Variants in PFKL observed in about 807,000 individuals in gnomAD.
The protein encoded by PFKL is phosphofructokinase, liver type.
PFKL carries 74 observed loss-of-function variants against 92.1 expected under a neutral mutation model. That is an observed-to-expected ratio of 0.80 (90% CI 0.67 to 0.97). The LOEUF (loss-of-function observed/expected upper bound fraction) is 0.97. PFKL is among the 50% of genes least tolerant of loss of function. The pLI, the probability that PFKL is intolerant of heterozygous loss-of-function variation, is 0.00. For synonymous variants in PFKL, 494 were observed against 456.4 expected (o/e 1.08, Z -1.05); for missense variants, 1,028 against 1,116.6 (o/e 0.92, Z 1.13).
In PFKL at chr21:44,310,973, C is replaced by T. The variant is rs375719763; in HGVS notation, c.160-33C>T. On this transcript the variant is annotated intron_variant, in intron 2 of 21. Transcript: ENST00000349048. ...CTTGCTGCCGGCCGCCATGGGGTCC[C>T]CTATCTCATGCCTGCCCCACTCTTG... 6.4e-6 allele frequency: 10 copies of T among 1,572,848 alleles called. No homozygotes were observed. In the African/African-American group the frequency reaches 1.2e-4, roughly 19 times the overall value.
chr21:44,307,203 C>T (rs529340272), intron 2 of PFKL: 26 of 904,434 alleles, frequency 2.9e-5, no homozygotes, highest in Admixed American at 6.2e-5. Context: ...CACCCAGACC[C>T]GGGGGGCAGC....
At chr21:44,303,868 A>T (rs2040850342) in intron 1 of PFKL, among the ~76,000 whole-genome samples, 1 of 152,040 alleles carries the variant, frequency 6.6e-6, no homozygotes, top group African/African-American at 2.4e-5. Flanking sequence ...CGGCAGGCCC[A>T]CTGTCCTGCC....
In PFKL at chr21:44,312,165, G is replaced by A. The variant is rs780307189; in HGVS notation, c.298G>A (p.Ala100Thr). ...CTTTACCACCAGGGAGGGGCGCCGG[G>A]CAGCGGCCTACAACCTGGTCCAGCA... ...KAFTTREGRR[A>T]AAYNLVQHGI... Residue 100 changes from alanine (A) to threonine (T), a missense_variant, in exon 4 of 22, where the codon GCA (alanine) becomes ACA (threonine). By Grantham distance (58) the Ala-to-Thr change is moderately conservative. Transcript: ENST00000349048. 184 of 1,595,528 alleles carry A rather than the reference G, an allele frequency of 1.2e-4. No individual in the cohort carries two copies. Among genetic ancestry groups the A allele is most frequent in the Non-Finnish European group, 1.6e-4 (182 of 1,171,742 alleles).
At chr21:44,326,572 C>T in intron 21 of PFKL, 143 bp from the exon 22 acceptor site, 1 of 1,161,744 alleles carries the variant, frequency 8.6e-7, no homozygotes, top group East Asian at 2.6e-5. Context: ...CAGACCTGTC[C>T]CAGCTCCACG....
chr21:44,311,373 GAC>G (rs1341142040), intron 3 of PFKL, among the ~76,000 whole-genome samples: 3 of 151,044 alleles, frequency 2.0e-5, no homozygotes, highest in African/African-American at 7.3e-5. Flanking sequence ...CAGACACACA[GAC>G]GCGCACACAG....
At chr21:44,324,404 A>G (rs1249327673) in intron 16 of PFKL, 87 bp from the exon 17 acceptor site, 21 of 1,412,640 alleles carry the variant, frequency 1.5e-5, no homozygotes, top group Non-Finnish European at 1.1e-5. Flanking sequence ...CTTTGGAGAC[A>G]CAGGGCTCCC....
intron 7 of PFKL, chr21:44,315,074 G>A (rs1283223226): frequency 6.6e-6 from 1 of 152,428 alleles, no homozygotes; most frequent in Non-Finnish European, 1.5e-5. Context: ...ACCTTCCCCA[G>A]TGGAGCCTAG....
Position 44,320,333 on chromosome 21 carries a change from G to A in PFKL, c.1191+186G>A, listed in dbSNP as rs757385385. 75 of 524,820 alleles carry A rather than the reference G, an allele frequency of 1.4e-4. No homozygotes were observed. In the East Asian group the frequency reaches 1.7e-3, roughly 12 times the overall value. The allele number at this position is 524,820 out of a possible 1,614,324, so 32.5% of individuals were successfully genotyped here. A position where few individuals can be genotyped will look rare whatever the true frequency, so the allele number is the denominator to read the frequency against. ...GGCACCACTGTGGCTGGCAGGTCCC[G>A]GGTGCTGGGACCCTGGCTGCAGGGC... On this transcript the variant is annotated intron_variant, in intron 12 of 21. Transcript: ENST00000349048.
rs780499309 is a variant in PFKL, at chr21:44,322,186, C to T, written c.1392C>T (p.Ser464=). Reference sequence around the variant, plus strand: ...CCGGCTGGTTGGGGCGTGGTGGCTCCATGCTGGGGACCAAGAGGTGAGCTG... The same window carrying T: ...CCGGCTGGTTGGGGCGTGGTGGCTCTATGCTGGGGACCAAGAGGTGAGCTG... ...DVAGWLGRGG[S]MLGTKRTLPK... Residue 464 remains serine (S), a synonymous_variant, in exon 14 of 22, where the codon TCC becomes TCT. Transcript: ENST00000349048. 4 of 1,603,470 alleles carry T rather than the reference C, an allele frequency of 2.5e-6. No individual in the cohort carries two copies. Among genetic ancestry groups the T allele is most frequent in the Non-Finnish European group, 3.4e-6 (4 of 1,178,304 alleles).
At position 44,324,568 on chromosome 21, in the gene PFKL, T is replaced by G. The variant is rs760704498; in HGVS notation, c.1728T>G (p.Cys576Trp). 30 of 1,613,102 alleles carry G rather than the reference T, an allele frequency of 1.9e-5. No individual in the cohort carries two copies. Among genetic ancestry groups the G allele is most frequent in the Non-Finnish European group, 6.8e-6 (8 of 1,179,830 alleles). Residue 576 changes from cysteine (C) to tryptophan (W), a missense_variant, in exon 17 of 22, where the codon TGT (cysteine) becomes TGG (tryptophan). Cys to Trp is a radical substitution (Grantham distance 215). Coordinates refer to ENST00000349048, the MANE Select transcript of PFKL (RefSeq NM_002626.6). ...VFIVETMGGY[C>W]GYLATVTGIA... ...TCGTGGAGACCATGGGGGGTTACTGTGGCTACCTGGCCACCGTGACTGGCA... is the reference window on the plus strand; with the variant it reads ...TCGTGGAGACCATGGGGGGTTACTGGGGCTACCTGGCCACCGTGACTGGCA...
chr21:44,324,452 G>T lies in PFKL; in HGVS notation c.1651-39G>T, dbSNP rs544038496. On this transcript the variant is annotated intron_variant, in intron 16 of 21. Transcript: ENST00000349048. ...ATGCCGACGGCCTACAGGGAAGGGT[G>T]GGCACGTGGAGGACCCCCGACCCCC... 5 of 1,606,682 alleles carry T rather than the reference G, an allele frequency of 3.1e-6. No homozygotes were observed. In the African/African-American group the frequency reaches 6.7e-5, roughly 22 times the overall value.
intron 1 of PFKL, chr21:44,304,405 T>TGC: frequency 8.0e-7 from 1 of 1,256,624 alleles, no homozygotes; most frequent in Non-Finnish European, 1.0e-6. Flanking sequence ...GTGGCCTGGG[T>TGC]GCGCTGCTCC....
chr21:44,305,459 G>A, intron 1 of PFKL: 7 of 915,048 alleles, frequency 7.6e-6, no homozygotes, highest in Non-Finnish European at 9.6e-6. Flanking sequence ...GGGTGGGAGG[G>A]CAGGGGCTTT....
At position 44,312,253 on chromosome 21, in the gene PFKL, G is replaced by T. The variant is rs201393150; in HGVS notation, c.386G>T (p.Arg129Leu). The change falls in exon 4 of 22, where the codon CGC becomes CTC. Residue 129 changes from arginine (R) to leucine (L), a missense_variant. Coordinates refer to ENST00000349048, the MANE Select transcript of PFKL (RefSeq NM_002626.6). ...AGCCTCACAGGTGCCAACATCTTCCGCAGCGAGTGGGGCAGCCTGCTGGAG... is the reference window on the plus strand; with the variant it reads ...AGCCTCACAGGTGCCAACATCTTCCTCAGCGAGTGGGGCAGCCTGCTGGAG... ...DGSLTGANIFRSEWGSLLEEL... is the reference protein window; with the variant it reads ...DGSLTGANIFLSEWGSLLEEL... 1.9e-6 allele frequency: 3 copies of T among 1,598,204 alleles called. No homozygotes were observed. Among genetic ancestry groups the T allele is most frequent in the Admixed American group, 1.7e-5 (1 of 58,342 alleles).
intron 4 of PFKL, among the ~76,000 whole-genome samples, chr21:44,312,515 G>T (rs2047077543): frequency 6.6e-6 from 1 of 152,218 alleles, no homozygotes; most frequent in African/African-American, 2.4e-5. Flanking sequence ...AGGGCACCCA[G>T]GCAGTGCATG....
intron 9 of PFKL, 130 bp downstream of exon 9, chr21:44,316,654 CTG>C (rs1471041785): frequency 5.8e-6 from 4 of 684,232 alleles, no homozygotes; most frequent in Non-Finnish European, 9.8e-6. Context: ...GTGTCCGTGT[CTG>C]TGTGTGGGGG....
chr21:44,311,186 A>C, intron 3 of PFKL, 103 bp downstream of exon 3: 2 of 789,538 alleles, frequency 2.5e-6, no homozygotes, highest in East Asian at 2.7e-5. Flanking sequence ...AGACACGTGC[A>C]CAAACACACA....
chr21:44,313,184 C>T, intron 5 of PFKL, 41 bp downstream of exon 5: 8 of 1,605,086 alleles, frequency 5.0e-6, no homozygotes, highest in Non-Finnish European at 6.0e-6. Flanking sequence ...AGGGCCCCTC[C>T]TCCCCGCACG....
Position 44,322,995 on chromosome 21 carries a change from G to T in PFKL, c.1443G>T (p.Val481=), listed in dbSNP as rs1270884177. The part of the protein sequence containing the change: ...TLPKGQLESI[V]ENIRIYGIHA... ...CCAAGGGCCAGCTGGAGTCCATTGT[G>T]GAGAACATCCGCATCTATGGTATTC... Residue 481 remains valine, a synonymous_variant, in exon 15 of 22, where the codon GTG becomes GTT. Transcript: ENST00000349048. The T allele has an allele frequency of 6.2e-7, 1 of 1,613,106 alleles. No homozygotes were observed. The highest frequency in any genetic ancestry group is 1.1e-5 in the South Asian group (1 of 91,060).
Sources: allele counts gnomAD v4.1 joint callset (sites outside exome capture counted in the v4.1 genomes callset), GRCh38; gene constraint gnomAD v4.1.1; transcripts MANE v1.5; gene names NCBI Gene and HGNC (gene_info 2026-07-23, HGNC 2026-07-21).